The following SLC13A3 variants were observed in gnomAD, a reference collection of about 807,000 sequenced individuals.
SLC13A3 encodes solute carrier family 13 member 3, also known as Na(+)/dicarboxylate cotransporter 3.
A neutral mutation model predicts 59.0 loss-of-function variants in SLC13A3; 40 were observed. The ratio of observed to expected loss-of-function variants is 0.68; its 90% CI spans 0.53 to 0.88. The LOEUF is 0.88. SLC13A3 is among the 40% of genes least tolerant of loss of function. The pLI is 0.00. For synonymous variants in SLC13A3, 317 were observed against 330.3 expected, an observed-to-expected ratio of 0.96 and a Z score of 0.44; for missense variants, 699 against 783.2, an observed-to-expected ratio of 0.89 and a Z score of 1.28.
intron 10 of SLC13A3, among the ~76,000 whole-genome samples, chr20:46,573,187 T>C (rs2062045451): frequency 6.6e-6 from 1 of 152,220 alleles, no homozygotes; most frequent in Non-Finnish European, 1.5e-5. Context: ...TGAGCAGCTA[T>C]GTAGAGAGCC....
intron 8 of SLC13A3, chr20:46,584,164 T>C (rs1408145557): frequency 3.0e-6 from 3 of 985,244 alleles, no homozygotes; most frequent in African/African-American, 1.7e-5. Flanking sequence ...GTTTCAAGCA[T>C]CCACAATGTG....
At chr20:46,653,699 G>A (rs1303589756), upstream of SLC13A3, among the ~76,000 whole-genome samples, 1 of 152,046 alleles carries the variant, frequency 6.6e-6, no homozygotes, top group Non-Finnish European at 1.5e-5. Context: ...TCATACAAGC[G>A]GTATCATGGA....
At chr20:46,567,349 T>C (rs2061990034) in intron 10 of SLC13A3, among the ~76,000 whole-genome samples, 1 of 152,142 alleles carries the variant, frequency 6.6e-6, no homozygotes, top group African/African-American at 2.4e-5. Context: ...CTGCAGGCAT[T>C]AGCTCCTTGA....
At chr20:46,674,604 C>CGCGCGCGCGCGCGCGTGT (rs370861850), upstream of SLC13A3, among the ~76,000 whole-genome samples, 1 of 127,880 alleles carries the variant, frequency 7.8e-6, no homozygotes, top group African/African-American at 3.2e-5. Context: ...CGCGCGCGCG[C>CGCGCGCGCGCGCGCGTGT]GTGTGTGTGT....
chr20:46,635,360 G>A (rs951101574), intron 1 of SLC13A3, among the ~76,000 whole-genome samples: 13 of 152,124 alleles, frequency 8.5e-5, no homozygotes, highest in African/African-American at 2.7e-4. Flanking sequence ...ACCCTCTACC[G>A]AGGCCAAGAA....
Position 46,599,966 on chromosome 20 carries a change from C to T in SLC13A3, c.608+5G>A, listed in dbSNP as rs769592360. The T allele has an allele frequency of 5.1e-6, 8 of 1,563,654 alleles. No homozygotes were observed. The Admixed American group carries it at 1.4e-4, about 27-fold the overall frequency. ...GGTCCTCTATGAATTTCACCAGTAA[C>T]TTACGCTTCTGTGCTGGCGAGAAAC... On this transcript the variant is annotated splice_donor_5th_base_variant and intron_variant, in intron 4 of 12. Transcript: ENST00000279027.
At chr20:46,670,613 A>G (rs977206335), upstream of SLC13A3, among the ~76,000 whole-genome samples, 4 of 152,190 alleles carry the variant, frequency 2.6e-5, no homozygotes, top group African/African-American at 9.7e-5. Flanking sequence ...AAGACTCCAT[A>G]GAGAGGGGCC....
rs1336558660 is a variant in SLC13A3, at chr20:46,613,363, G to A, written c.377+97C>T. On this transcript the variant is annotated intron_variant, in intron 2 of 12. Coordinates refer to ENST00000279027, the MANE Select transcript of SLC13A3 (RefSeq NM_022829.6). ...AATGGTGGGAACCGATGAGTTTCTT[G>A]GCCTGGACGAGTAAATCAAGAAGAG... is the stretch of plus-strand genomic sequence containing the variant. 11 of 1,072,878 alleles carry A rather than the reference G, an allele frequency of 1.0e-5. No individual in the cohort carries two copies. The East Asian group carries it at 3.2e-4, about 31-fold the overall frequency. 66.5% of individuals were successfully genotyped at this position (1,072,878 alleles called of 1,614,324 possible).
rs1306123765 is a variant in SLC13A3 at position 46,683,977 on chromosome 20, G to T, written c.-31+419C>A. ...AATGCAACCCTTTCAAAACAATCAGGTATCACCCTGTTAAAAACCCTGAGT... is the reference window on the plus strand; with the variant it reads ...AATGCAACCCTTTCAAAACAATCAGTTATCACCCTGTTAAAAACCCTGAGT... On this transcript the variant is annotated intron_variant, in intron 1 of 6. Transcript: ENST00000372121. Among the ~76,000 whole-genome samples the T allele has an allele frequency of 2.6e-5, 4 of 151,968 alleles. No homozygotes were observed. The East Asian group carries it at 7.7e-4, about 29-fold the overall frequency.
At chr20:46,632,822 ACTCT>A (rs1251068359) in intron 1 of SLC13A3, among the ~76,000 whole-genome samples, 1 of 144,040 alleles carries the variant, frequency 6.9e-6, no homozygotes, top group Non-Finnish European at 1.5e-5. Context: ...TCTTCCTCTC[ACTCT>A]CTCTCTCCCT....
chr20:46,600,673 C>T, intron 3 of SLC13A3: 1 of 408,786 alleles, frequency 2.4e-6, no homozygotes, highest in South Asian at 1.8e-5. Context: ...ATTGTCCATT[C>T]ATTCATTCAT....
intron 1 of SLC13A3, among the ~76,000 whole-genome samples, chr20:46,634,676 C>T (rs929796574): frequency 2.0e-5 from 3 of 152,186 alleles, no homozygotes; most frequent in African/African-American, 2.4e-5. Flanking sequence ...TAATCATTCA[C>T]GAGCCAGACA....
chr20:46,564,949 A>G (rs2061966870), intron 11 of SLC13A3, among the ~76,000 whole-genome samples: 1 of 152,256 alleles, frequency 6.6e-6, no homozygotes, highest in East Asian at 1.9e-4. Flanking sequence ...TGATGCATAA[A>G]ATAAGCAGAC....
intron 2 of SLC13A3, among the ~76,000 whole-genome samples, chr20:46,612,408 A>G (rs935096317): frequency 1.1e-4 from 16 of 152,118 alleles, no homozygotes; most frequent in Admixed American, 8.5e-4. Flanking sequence ...TGCTGGGATT[A>G]CAGGCTGGGA....
At chr20:46,608,933 G>T (rs2062463528) in intron 3 of SLC13A3, 1 of 1,550,770 alleles carries the variant, frequency 6.4e-7, no homozygotes, top group Non-Finnish European at 8.7e-7. Flanking sequence ...ACAGAACCCG[G>T]AAGTTGCACA....
chr20:46,603,955 C>T (rs1219483873), intron 3 of SLC13A3, among the ~76,000 whole-genome samples: 1 of 146,034 alleles, frequency 6.8e-6, no homozygotes, highest in East Asian at 2.0e-4. Flanking sequence ...CATGCCACTG[C>T]ACTCCATCTT....
chr20:46,574,730 T>C (rs1196654371), intron 10 of SLC13A3, among the ~76,000 whole-genome samples: 1 of 152,216 alleles, frequency 6.6e-6, no homozygotes, highest in East Asian at 1.9e-4. Flanking sequence ...TGTATCTCTC[T>C]GTGTCTCAAG....
At chr20:46,637,053 C>T (rs1325128205) in intron 1 of SLC13A3, among the ~76,000 whole-genome samples, 4 of 152,170 alleles carry the variant, frequency 2.6e-5, no homozygotes, top group South Asian at 2.1e-4. Context: ...CCCACCTCAG[C>T]CTCCCAAAGT....
chr20:46,610,550 G>T lies in SLC13A3; in HGVS notation c.437C>A (p.Ala146Asp). 3 of 1,614,112 alleles carry T rather than the reference G, an allele frequency of 1.9e-6. No individual in the cohort carries two copies. The highest frequency in any genetic ancestry group is 2.5e-6 in the Non-Finnish European group (3 of 1,180,026). ...AATGGGAAGCATCATGGCAGTGGAGGCGGTGTTGCTCAGCCACATGGACAA... is the reference window on the plus strand; with the variant it reads ...AATGGGAAGCATCATGGCAGTGGAGTCGGTGTTGCTCAGCCACATGGACAA... ...SFLSMWLSNT[A>D]STAMMLPIAN... Residue 146 changes from alanine to aspartate, a missense_variant, in exon 3 of 13, where the codon GCC (alanine) becomes GAC (aspartate). By Grantham distance (126) the Ala-to-Asp change is moderately radical. Coordinates refer to ENST00000279027, the MANE Select transcript of SLC13A3 (RefSeq NM_022829.6).
Sources: gnomAD v4.1 joint callset for allele counts (sites outside exome capture counted in the v4.1 genomes callset) on GRCh38, gnomAD v4.1.1 for gene constraint, MANE v1.5 for transcripts, NCBI Gene and HGNC (gene_info 2026-07-23, HGNC 2026-07-21) for gene names.